SHISA9: variants seen among roughly 807,000 people sequenced by gnomAD.
The protein encoded by SHISA9 is protein shisa-9.
A neutral mutation model predicts 38.0 loss-of-function variants in SHISA9; 13 were observed. The ratio of observed to expected loss-of-function variants is 0.34; its 90% CI spans 0.22 to 0.54. The LOEUF (loss-of-function observed/expected upper bound fraction) is 0.54. Among genes scored for constraint, SHISA9 ranks in the 20% least tolerant of loss-of-function variants. The pLI, the probability that SHISA9 is intolerant of heterozygous loss-of-function variation, is 0.91. For synonymous variants in SHISA9, 275 were observed against 242.0 expected (o/e 1.14, Z -1.27); for missense variants, 538 against 575.8 (o/e 0.93, Z 0.67).
At chr16:13,218,358 A>T (rs2051191253) in intron 4 of SHISA9, among the ~76,000 whole-genome samples, 1 of 152,236 alleles carries the variant, frequency 6.6e-6, no homozygotes, top group Non-Finnish European at 1.5e-5. Flanking sequence ...GTTTAGACCT[A>T]GCTTTTCCTA....
the SHISA9 span, among the ~76,000 whole-genome samples, chr16:13,521,352 G>A: frequency 2.0e-5 from 3 of 152,146 alleles, no homozygotes; most frequent in African/African-American, 7.2e-5. Context: ...AGGAAAATTA[G>A]TCATTCTATT....
At chr16:12,996,341 G>A (rs1044242663) in intron 2 of SHISA9, among the ~76,000 whole-genome samples, 2 of 152,142 alleles carry the variant, frequency 1.3e-5, no homozygotes, top group African/African-American at 2.4e-5. Flanking sequence ...ATTTTCCCAC[G>A]TAGCAACCAT....
the SHISA9 span, among the ~76,000 whole-genome samples, chr16:13,402,607 G>T: frequency 6.6e-6 from 1 of 151,450 alleles, no homozygotes; most frequent in Non-Finnish European, 1.5e-5. Context: ...CACCTCCCGG[G>T]TTGAAGCAAT....
chr16:13,513,936 T>C, the SHISA9 span, among the ~76,000 whole-genome samples: 1 of 152,206 alleles, frequency 6.6e-6, no homozygotes, highest in Non-Finnish European at 1.5e-5. Context: ...ATGGCACATG[T>C]ATACCTATGT....
intron 2 of SHISA9, among the ~76,000 whole-genome samples, chr16:13,188,358 T>G (rs1008913256): frequency 3.3e-5 from 5 of 152,074 alleles, no homozygotes; most frequent in Admixed American, 2.6e-4. Flanking sequence ...TCAGATCCAG[T>G]AAGGAGTGAG....
the SHISA9 span, among the ~76,000 whole-genome samples, chr16:13,337,338 AC>A: frequency 6.6e-6 from 1 of 151,520 alleles, no homozygotes; most frequent in Non-Finnish European, 1.5e-5. Flanking sequence ...ATAAAGGGAA[AC>A]CCCTTTCCCT....
At chr16:13,341,594 C>T in the SHISA9 span, among the ~76,000 whole-genome samples, 1 of 152,188 alleles carries the variant, frequency 6.6e-6, no homozygotes, top group Non-Finnish European at 1.5e-5. Flanking sequence ...AGCAGACAAC[C>T]TATCAGGTCA....
chr16:13,097,040 G>A (rs1434393368), intron 2 of SHISA9, among the ~76,000 whole-genome samples: 52 of 152,164 alleles, frequency 3.4e-4, no homozygotes, highest in Non-Finnish European at 4.4e-5. Flanking sequence ...AACTAGAAGT[G>A]CAGCTCCATG....
At chr16:13,124,297 C>T (rs1345157229) in intron 2 of SHISA9, among the ~76,000 whole-genome samples, 3 of 152,126 alleles carry the variant, frequency 2.0e-5, no homozygotes, top group African/African-American at 7.2e-5. Context: ...TGAACAGTCA[C>T]CAAATTGGAG....
the SHISA9 span, among the ~76,000 whole-genome samples, chr16:13,552,385 T>A: frequency 1.3e-5 from 2 of 152,254 alleles, no homozygotes; most frequent in South Asian, 2.1e-4. Flanking sequence ...TCCGTTTGTA[T>A]TTTTAAGCTT....
intron 4 of SHISA9, among the ~76,000 whole-genome samples, chr16:13,233,969 C>T (rs1229284607): frequency 6.6e-6 from 1 of 152,014 alleles, no homozygotes; most frequent in Admixed American, 6.5e-5. Context: ...TGCCACTGCA[C>T]TCCAGCCTGG....
chr16:13,147,394 C>A (rs1013325180), intron 2 of SHISA9, among the ~76,000 whole-genome samples: 4 of 149,446 alleles, frequency 2.7e-5, no homozygotes, highest in African/African-American at 9.9e-5. Flanking sequence ...AACTTTAAGG[C>A]TAGGGATTTT....
intron 2 of SHISA9, among the ~76,000 whole-genome samples, chr16:12,927,734 C>CT (rs2071410125): frequency 6.6e-6 from 1 of 152,040 alleles, no homozygotes; most frequent in Non-Finnish European, 1.5e-5. Flanking sequence ...AGATCCAAAT[C>CT]TTTGGCCACA....
chr16:13,465,199 G>C, the SHISA9 span, among the ~76,000 whole-genome samples: 1 of 152,308 alleles, frequency 6.6e-6, no homozygotes, highest in Admixed American at 6.5e-5. Flanking sequence ...GCCTCTACTT[G>C]TTAGATGCCA....
chr16:13,352,976 C>A, the SHISA9 span, among the ~76,000 whole-genome samples: 3 of 152,176 alleles, frequency 2.0e-5, no homozygotes, highest in African/African-American at 7.2e-5. Flanking sequence ...TTACTCCAGG[C>A]CATCTGGGCG....
intron 2 of SHISA9, among the ~76,000 whole-genome samples, chr16:13,041,092 G>A (rs1383228470): frequency 6.6e-6 from 1 of 152,134 alleles, no homozygotes; most frequent in Non-Finnish European, 1.5e-5. Flanking sequence ...AAGTACCAGG[G>A]GTGCAGCACT....
intron 2 of SHISA9, among the ~76,000 whole-genome samples, chr16:13,142,911 G>C (rs1160340454): frequency 1.3e-5 from 2 of 152,102 alleles, no homozygotes; most frequent in Non-Finnish European, 2.9e-5. Flanking sequence ...TATATTTAAT[G>C]GGAGGGGATA....
At chr16:13,315,038 C>T in the SHISA9 span, among the ~76,000 whole-genome samples, 9 of 151,910 alleles carry the variant, frequency 5.9e-5, no homozygotes, top group Non-Finnish European at 1.2e-4. Context: ...ATCCCAGTCC[C>T]GTTTGGTTCC....
chr16:12,924,131 T>G (rs566293755), intron 2 of SHISA9, among the ~76,000 whole-genome samples: 2 of 152,300 alleles, frequency 1.3e-5, no homozygotes, highest in Non-Finnish European at 2.9e-5. Flanking sequence ...TGACCCTGCT[T>G]CCATCAGTTG....
Sources: gnomAD v4.1 joint callset for allele counts (sites outside exome capture counted in the v4.1 genomes callset) on GRCh38, gnomAD v4.1.1 for gene constraint, MANE v1.5 for transcripts, NCBI Gene and HGNC (gene_info 2026-07-23, HGNC 2026-07-21) for gene names.